MCC: variants seen among roughly 807,000 people sequenced by gnomAD.
MCC encodes the protein colorectal mutant cancer protein.
Under a neutral mutation model 116.2 loss-of-function variants are expected in MCC, and 90 were observed. The observed-to-expected ratio is 0.77, with a 90% confidence interval of 0.65 to 0.92. The LOEUF (loss-of-function observed/expected upper bound fraction) is 0.92. Among genes scored for constraint, MCC ranks in the 40% least tolerant of loss-of-function variants. The pLI is 0.00. For synonymous variants in MCC, 578 were observed against 510.5 expected, an observed-to-expected ratio of 1.13 and a Z score of -1.78; for missense variants, 1,516 against 1,312.2, an observed-to-expected ratio of 1.16 and a Z score of -2.40.
At chr5:113,179,755 T>TA (rs1479183304) in intron 3 of MCC, among the ~76,000 whole-genome samples, 2 of 152,152 alleles carry the variant, frequency 1.3e-5, no homozygotes, top group Non-Finnish European at 2.9e-5. Flanking sequence ...TGCAATGATA[T>TA]ACCTAGCACC....
intron 3 of MCC, among the ~76,000 whole-genome samples, chr5:113,292,773 C>T (rs1421989134): frequency 2.0e-5 from 3 of 152,130 alleles, no homozygotes; most frequent in African/African-American, 4.8e-5. Flanking sequence ...ATAGAAACAT[C>T]GTGAAGGGCC....
intron 1 of MCC, among the ~76,000 whole-genome samples, chr5:113,452,614 A>G (rs1771431848): frequency 6.6e-6 from 1 of 152,330 alleles, no homozygotes; most frequent in South Asian, 2.1e-4. Context: ...TCTGTCTTTT[A>G]TAAGCTACCT....
At chr5:113,261,993 C>G (rs1765235496) in intron 3 of MCC, among the ~76,000 whole-genome samples, 2 of 152,080 alleles carry the variant, frequency 1.3e-5, no homozygotes, top group Admixed American at 6.6e-5. Context: ...CTATCTACCC[C>G]TCTGATAATT....
chr5:113,350,046 C>T (rs6594701), intron 2 of MCC, among the ~76,000 whole-genome samples: 65,260 of 151,522 alleles, frequency 0.43, 15,454 homozygotes, highest in African/African-American at 0.63. Context: ...TGAAGAGAAC[C>T]CCCCCAAAAT....
chr5:113,385,445 G>T (rs566712179), intron 1 of MCC, among the ~76,000 whole-genome samples: 1 of 152,146 alleles, frequency 6.6e-6, no homozygotes, highest in African/African-American at 2.4e-5. Context: ...TTAATCTTTT[G>T]TTCTCTTTTT....
intron 1 of MCC, among the ~76,000 whole-genome samples, chr5:113,417,715 T>C (rs1356304358): frequency 6.6e-6 from 1 of 152,064 alleles, no homozygotes; most frequent in Non-Finnish European, 1.5e-5. Flanking sequence ...GATTGCTTGA[T>C]GTCAGGAGTT....
intron 3 of MCC, chr5:113,294,957 C>T (rs1017553644): frequency 1.0e-6 from 1 of 985,406 alleles, no homozygotes; most frequent in Non-Finnish European, 1.2e-6. Context: ...TCTGATTGAA[C>T]ACAGCTGTCT....
At chr5:113,247,570 C>T (rs980120161) in intron 3 of MCC, among the ~76,000 whole-genome samples, 2 of 152,140 alleles carry the variant, frequency 1.3e-5, no homozygotes, top group African/African-American at 4.8e-5. Flanking sequence ...AAGGCAGCGT[C>T]TTAAGGATCA....
At position 113,074,969 on chromosome 5, in the gene MCC, G is replaced by A. The variant is rs554691798; in HGVS notation, c.1785-3735C>T. ...TCTGCTCTGGCCATGCTCAAGGAGC[G>A]CTTCAGCCCACCACTGCACTGTGGG... On this transcript the variant is annotated intron_variant, in intron 11 of 18. Transcript: ENST00000408903. 1.2e-3 allele frequency among the ~76,000 whole-genome samples: 188 copies of A among 152,346 alleles called. 1 individual carries two copies. Among genetic ancestry groups the A allele is most frequent in the Non-Finnish European group, 2.3e-3 (158 of 68,024 alleles).
At chr5:113,486,609 C>T (rs923685937) in intron 1 of MCC, among the ~76,000 whole-genome samples, 5 of 152,098 alleles carry the variant, frequency 3.3e-5, no homozygotes, top group Admixed American at 6.6e-5. Flanking sequence ...TTCCTAAGGC[C>T]GAGGCGGGCG....
intron 3 of MCC, among the ~76,000 whole-genome samples, chr5:113,321,302 G>C (rs1246623689): frequency 6.6e-6 from 1 of 151,854 alleles, no homozygotes; most frequent in African/African-American, 2.4e-5. Flanking sequence ...TTTTAATAAG[G>C]AAAAGCATTA....
chr5:113,028,967 G>A lies in MCC; in HGVS notation c.2846C>T (p.Ala949Val). The A allele has an allele frequency of 6.2e-7, 1 of 1,613,994 alleles. No homozygotes were observed. Among genetic ancestry groups the A allele is most frequent in the Non-Finnish European group, 8.5e-7 (1 of 1,179,952 alleles). ...CCGCTTTAGATCATTCACGAACTCT[G>A]CAGATTGCTGATGTCGGATTTCACT... The part of the protein sequence containing the change: ...KSSEIRHQQS[A>V]EFVNDLKRAN... Residue 949 changes from alanine (A) to valine (V), a missense_variant, in exon 18 of 19, where the codon GCA (alanine) becomes GTA (valine). Transcript: ENST00000408903.
chr5:113,411,160 T>G (rs1405189737), intron 1 of MCC, among the ~76,000 whole-genome samples: 1 of 152,242 alleles, frequency 6.6e-6, no homozygotes. Context: ...TTTCTAGCTC[T>G]AGATCCTTGA....
intron 3 of MCC, among the ~76,000 whole-genome samples, chr5:113,285,460 T>C (rs1766215290): frequency 6.6e-6 from 1 of 151,506 alleles, no homozygotes; most frequent in African/African-American, 2.4e-5. Context: ...AAGCCCTAGG[T>C]GATCTGGCCA....
intron 1 of MCC, among the ~76,000 whole-genome samples, chr5:113,465,300 T>C (rs528489807): frequency 2.6e-5 from 4 of 152,012 alleles, no homozygotes; most frequent in Non-Finnish European, 4.4e-5. Context: ...ATTCATCACA[T>C]GGAAGTAGGA....
intron 3 of MCC, among the ~76,000 whole-genome samples, chr5:113,245,668 C>T (rs1334677902): frequency 1.3e-5 from 2 of 151,576 alleles, no homozygotes; most frequent in Non-Finnish European, 2.9e-5. Context: ...GAATATAAGG[C>T]TTCTCAGTTT....
chr5:113,239,763 C>T (rs1260637260), intron 3 of MCC, among the ~76,000 whole-genome samples: 2 of 152,192 alleles, frequency 1.3e-5, no homozygotes, highest in African/African-American at 4.8e-5. Flanking sequence ...CTTTTATATA[C>T]ACATTTCTCA....
intron 3 of MCC, among the ~76,000 whole-genome samples, chr5:113,246,520 C>T (rs766083972): frequency 6.6e-6 from 1 of 152,112 alleles, no homozygotes; most frequent in African/African-American, 2.4e-5. Flanking sequence ...TTTAGGAAAA[C>T]AGGAAAGCCA....
chr5:113,261,035 T>C (rs7449005), intron 3 of MCC, among the ~76,000 whole-genome samples: 1 of 152,294 alleles, frequency 6.6e-6, no homozygotes, highest in South Asian at 2.1e-4. Context: ...ATATACCGTT[T>C]ACAAATAATA....
Sources: allele counts gnomAD v4.1 joint callset (sites outside exome capture counted in the v4.1 genomes callset), GRCh38; gene constraint gnomAD v4.1.1; transcripts MANE v1.5; gene names NCBI Gene and HGNC (gene_info 2026-07-23, HGNC 2026-07-21).